Variants in FNDC1 observed in about 807,000 individuals in gnomAD.
FNDC1 encodes the protein fibronectin type III domain-containing protein 1.
A neutral mutation model predicts 168.0 loss-of-function variants in FNDC1; 96 were observed. That is an observed-to-expected ratio of 0.57 (90% confidence interval 0.48 to 0.68). The LOEUF is 0.68. Ranked by LOEUF, FNDC1 falls within the 30% of genes least tolerant of loss-of-function variation. FNDC1 has a pLI of 0.00. For missense variants in FNDC1, 2,587 were observed against 2,482.1 expected (o/e 1.04, Z -0.90); for synonymous variants, 1,099 against 1,025.9 (o/e 1.07, Z -1.36).
intron 1 of FNDC1, 105 bp from the exon 2 acceptor site, chr6:159,197,326 A>G (rs1782265904): frequency 1.8e-6 from 2 of 1,096,776 alleles, no homozygotes; most frequent in Non-Finnish European, 2.7e-6. Context: ...GATCATACTG[A>G]TTAAACGTCA....
At position 159,169,626 on chromosome 6, in the gene FNDC1, C is replaced by T; in HGVS notation, c.30C>T (p.Arg10=). The T allele has an allele frequency of 8.8e-7, 1 of 1,139,336 alleles. No individual in the cohort carries two copies. Among genetic ancestry groups the T allele is most frequent in the Non-Finnish European group, 1.1e-6 (1 of 929,674 alleles). 70.6% of individuals were successfully genotyped at this position (1,139,336 alleles called of 1,614,324 possible). A position where few individuals can be genotyped will look rare whatever the true frequency, so the allele number is the denominator to read the frequency against. The change falls in exon 1 of 23, where the codon CGC becomes CGT. Residue 10 remains arginine (R), a synonymous_variant. Transcript: ENST00000297267. The surrounding 1 kb of genome is among the most constrained non-coding windows in gnomAD (Gnocchi z 6.8). ...CCCCCGAGGCCGGGGCGACCCTGCG[C>T]GCGCCGCGCCGGCTGTCCTGGGCGG... MAPEAGATL[R]APRRLSWAAL... is the part of the protein sequence containing the mutation.
chr6:159,244,660 G>T (rs3003173), intron 14 of FNDC1, among the ~76,000 whole-genome samples: 131,419 of 152,294 alleles, frequency 0.86, 56,947 homozygotes, highest in Middle Eastern at 0.9. Context: ...ACTGTGGAAT[G>T]GTGATTTTAA....
At position 159,232,511 on chromosome 6, in the gene FNDC1, C is replaced by T. The variant is rs771247742; in HGVS notation, c.1999C>T (p.Arg667Trp). ...LHPKGAFAQPRPALSPSRQSP... is the reference protein window; with the variant it reads ...LHPKGAFAQPWPALSPSRQSP... ...CCCCAAGGGCGCCTTCGCCCAGCCC[C>T]GGCCAGCCCTGTCCCCCAGCCGCCA... The change falls in exon 11 of 23, where the codon CGG (arginine) becomes TGG (tryptophan). Residue 667 changes from arginine (R) to tryptophan (W), a missense_variant. Physicochemically the swap from Arg to Trp is moderately radical, Grantham distance 101. Coordinates refer to ENST00000297267, the MANE Select transcript of FNDC1 (RefSeq NM_032532.3). The surrounding 1 kb of genome is among the most constrained non-coding windows in gnomAD (Gnocchi z 4.9). 2.9e-5 allele frequency: 46 copies of T among 1,612,186 alleles called. No homozygotes were observed. In the South Asian group the frequency reaches 4.1e-4, roughly 14 times the overall value.
At chr6:159,230,127 G>A in intron 10 of FNDC1, 124 bp downstream of exon 10, 1 of 770,978 alleles carries the variant, frequency 1.3e-6, no homozygotes, top group Admixed American at 3.0e-5. Flanking sequence ...AGGCTAAGTT[G>A]CATATTGATT....
intron 5 of FNDC1, among the ~76,000 whole-genome samples, chr6:159,215,374 A>G (rs370964694): frequency 6.6e-6 from 1 of 152,208 alleles, no homozygotes; most frequent in African/African-American, 2.4e-5. Context: ...AGTGCCTGTC[A>G]GTTGCTTCCT....
rs118099716 is a variant in FNDC1 at position 159,267,757 on chromosome 6, G to T, written c.5447-47G>T. The T allele has an allele frequency of 4.9e-4, 786 of 1,607,702 alleles. 8 individuals are homozygous for T. The East Asian group carries it at 0.013, about 26-fold the overall frequency. On this transcript the variant is annotated intron_variant, in intron 21 of 22. Transcript: ENST00000297267. Reference sequence around the variant, plus strand: ...GTGCAAAAAAACTCCTAAACCAGTTGTGACTTTCTGTACCTAGTCATGGAC... The same window carrying T: ...GTGCAAAAAAACTCCTAAACCAGTTTTGACTTTCTGTACCTAGTCATGGAC...
chr6:159,223,910 G>A (rs1448270064), intron 7 of FNDC1, among the ~76,000 whole-genome samples: 1 of 152,190 alleles, frequency 6.6e-6, no homozygotes, highest in Non-Finnish European at 1.5e-5. Flanking sequence ...GATTTATCTT[G>A]TGTCTGGAAA....
chr6:159,211,369 C>T (rs1158698865), intron 4 of FNDC1, among the ~76,000 whole-genome samples: 2 of 152,174 alleles, frequency 1.3e-5, no homozygotes, highest in Non-Finnish European at 2.9e-5. Context: ...AGAAAGTAGC[C>T]GCCAGACAGC....
chr6:159,264,912 T>G (rs1349296844), intron 19 of FNDC1, 63 bp from the exon 20 acceptor site: 2 of 1,412,136 alleles, frequency 1.4e-6, no homozygotes, highest in East Asian at 4.8e-5. Flanking sequence ...ACACTAACCA[T>G]TTAAAGAATT....
At chr6:159,172,047 T>C (rs1781672579) in intron 1 of FNDC1, among the ~76,000 whole-genome samples, 1 of 152,218 alleles carries the variant, frequency 6.6e-6, no homozygotes. Context: ...TTGGGGGGAC[T>C]TTGCAGTTAA....
At chr6:159,171,997 C>T (rs149352971) in intron 1 of FNDC1, among the ~76,000 whole-genome samples, 97 of 152,276 alleles carry the variant, frequency 6.4e-4, no homozygotes, top group African/African-American at 2.1e-3. Flanking sequence ...TACTGAGAAT[C>T]AAGGCAGGGA....
intron 16 of FNDC1, among the ~76,000 whole-genome samples, chr6:159,249,949 C>T (rs1012312750): frequency 4.6e-5 from 7 of 152,210 alleles, no homozygotes; most frequent in African/African-American, 1.7e-4. Context: ...ACCACACGTA[C>T]TTGAAGAACA....
At chr6:159,243,857 AC>A (rs1203779658) in intron 14 of FNDC1, among the ~76,000 whole-genome samples, 4 of 152,188 alleles carry the variant, frequency 2.6e-5, no homozygotes, top group African/African-American at 9.7e-5. Flanking sequence ...CACCAAAATC[AC>A]CCAGTAGATT....
At chr6:159,185,942 T>C (rs908302236) in intron 1 of FNDC1, among the ~76,000 whole-genome samples, 2 of 152,224 alleles carry the variant, frequency 1.3e-5, no homozygotes, top group African/African-American at 2.4e-5. Context: ...TAATGCAATC[T>C]GTCAGACGGT....
chr6:159,185,819 C>T (rs1781984185), intron 1 of FNDC1, among the ~76,000 whole-genome samples: 1 of 152,334 alleles, frequency 6.6e-6, no homozygotes, highest in South Asian at 2.1e-4. Flanking sequence ...GCTGAAAAGT[C>T]ATGACTGAAT....
At chr6:159,249,278 C>T in intron 16 of FNDC1, 96 bp downstream of exon 16, 2 of 1,177,468 alleles carry the variant, frequency 1.7e-6, no homozygotes, top group Non-Finnish European at 2.4e-6. Flanking sequence ...CAAGGCAGTG[C>T]ATTTTGAGAA....
intron 4 of FNDC1, among the ~76,000 whole-genome samples, chr6:159,208,876 T>G (rs2114959908): frequency 7.2e-6 from 1 of 138,068 alleles, no homozygotes; most frequent in African/African-American, 2.9e-5. Context: ...AGACAGAGTC[T>G]CGCTCTTCTC....
chr6:159,211,406 T>C (rs1309905645), intron 4 of FNDC1, among the ~76,000 whole-genome samples: 1 of 152,134 alleles, frequency 6.6e-6, no homozygotes, highest in Non-Finnish European at 1.5e-5. Flanking sequence ...TTTACACCAA[T>C]GAAGAGAGGG....
intron 1 of FNDC1, among the ~76,000 whole-genome samples, chr6:159,184,962 A>T (rs1781961188): frequency 6.7e-6 from 1 of 148,716 alleles, no homozygotes. Flanking sequence ...TTTGCTCTTT[A>T]GGGCCTGTTA....
Sources: allele counts gnomAD v4.1 joint callset (sites outside exome capture counted in the v4.1 genomes callset), GRCh38; gene constraint gnomAD v4.1.1; non-coding constraint Gnocchi (gnomAD v3.1); transcripts MANE v1.5; gene names NCBI Gene and HGNC (gene_info 2026-07-23, HGNC 2026-07-21).